The following ANO4 variants were observed in gnomAD, a reference collection of about 807,000 sequenced individuals.
ANO4 encodes anoctamin-4.
A neutral mutation model predicts 141.9 loss-of-function variants in ANO4; 69 were observed. That is an observed-to-expected ratio of 0.49 (90% CI 0.40 to 0.59). The LOEUF (loss-of-function observed/expected upper bound fraction) is 0.59. ANO4 is among the 20% of genes least tolerant of loss of function. The pLI, the probability that ANO4 is intolerant of heterozygous loss-of-function variation, is 0.00. For synonymous variants in ANO4, 350 were observed against 394.3 expected (o/e 0.89, Z 1.33); for missense variants, 894 against 1,162.2 (o/e 0.77, Z 3.36).
In ANO4 at chr12:100,719,941, C is replaced by T. The variant is rs374097913; in HGVS notation, c.22+2394C>T. ...GGTAATCAGTAACTGTAATCCCCAC[C>T]GGTAAAAATATGTTCAATGAATGAT... On this transcript the variant is annotated intron_variant, in intron 1 of 29. Coordinates refer to the ANO4 transcript ENST00000644049. 1.1e-4 allele frequency among the ~76,000 whole-genome samples: 17 copies of T among 152,238 alleles called. No individual in the cohort carries two copies. The East Asian group carries it at 1.2e-3, about 10-fold the overall frequency.
At chr12:100,833,311 T>C (rs548937645) in intron 1 of ANO4, among the ~76,000 whole-genome samples, 22 of 152,244 alleles carry the variant, frequency 1.4e-4, no homozygotes, top group South Asian at 6.2e-4. Context: ...AAGATAAACA[T>C]TGTATAAAAA....
intron 25 of ANO4, among the ~76,000 whole-genome samples, chr12:101,117,384 C>A (rs574858682): frequency 2.0e-5 from 3 of 152,330 alleles, no homozygotes; most frequent in Admixed American, 2.0e-4. Flanking sequence ...ATTTGTTGAG[C>A]ACCTACTCTG....
At chr12:100,895,561 G>GTTT (rs201323252) in intron 1 of ANO4, among the ~76,000 whole-genome samples, 3,129 of 131,068 alleles carry the variant, frequency 0.024, 166 homozygotes, top group African/African-American at 0.082. Flanking sequence ...TCTGAGCTTT[G>GTTT]TTTTTTTTTT....
intron 14 of ANO4, among the ~76,000 whole-genome samples, chr12:101,078,652 C>T (rs1225512038): frequency 6.6e-6 from 1 of 151,996 alleles, no homozygotes; most frequent in East Asian, 1.9e-4. Context: ...GGACTCCTTC[C>T]AGTAAAACAG....
chr12:100,764,636 C>T (rs779958332), intron 3 of ANO4, among the ~76,000 whole-genome samples: 20 of 152,086 alleles, frequency 1.3e-4, no homozygotes, highest in South Asian at 6.2e-4. Context: ...GTGTGAGCAA[C>T]GGTATTTGTT....
chr12:100,827,470 GT>G (rs960448319), intron 1 of ANO4, among the ~76,000 whole-genome samples: 1 of 151,762 alleles, frequency 6.6e-6, no homozygotes, highest in African/African-American at 2.4e-5. Context: ...TATCTTTGTT[GT>G]TTTTTTATCC....
intron 9 of ANO4, among the ~76,000 whole-genome samples, chr12:101,029,907 TAA>T (rs59678820): frequency 8.3e-5 from 8 of 96,186 alleles, no homozygotes; most frequent in Admixed American, 1.2e-4. Flanking sequence ...AGTCTCCGTC[TAA>T]AAAAAAAAAA....
chr12:100,824,629 G>A (rs1269913172), intron 1 of ANO4, among the ~76,000 whole-genome samples: 1 of 151,976 alleles, frequency 6.6e-6, no homozygotes, highest in Non-Finnish European at 1.5e-5. Flanking sequence ...TGTCACAGAT[G>A]GGGATGAAAT....
Position 100,812,698 on chromosome 12 carries a change from C to CCATTTG in ANO4, c.-141+17673_-141+17678dup, listed in dbSNP as rs576991235. 7.9e-5 allele frequency among the ~76,000 whole-genome samples: 12 copies of CCATTTG among 152,266 alleles called. No homozygotes were observed. The South Asian group carries it at 2.5e-3, about 32-fold the overall frequency. On this transcript the variant is annotated intron_variant, in intron 1 of 27. Coordinates refer to ENST00000392977, the MANE Select transcript of ANO4 (RefSeq NM_001286615.2). ...ACAGGCTTATGGGGGTAAAGATAAA[C>CCATTTG]CATTTGCTCAGGTTGATTTTAACCA... is the stretch of plus-strand genomic sequence containing the variant.
chr12:101,090,163 G>A (rs1182826322), intron 17 of ANO4, among the ~76,000 whole-genome samples: 3 of 152,176 alleles, frequency 2.0e-5, no homozygotes, highest in Non-Finnish European at 4.4e-5. Context: ...CTGTAAACTA[G>A]TTCAACCATT....
At chr12:100,864,164 G>A (rs980259462) in intron 1 of ANO4, among the ~76,000 whole-genome samples, 1 of 152,034 alleles carries the variant, frequency 6.6e-6, no homozygotes, top group Admixed American at 6.6e-5. Flanking sequence ...TAACAATGTC[G>A]TATGCCCGTA....
At position 101,116,694 on chromosome 12, in the gene ANO4, T is replaced by C. The variant is rs761662835; in HGVS notation, c.2466T>C (p.Tyr822=). ...CCTCTTATAGGTGCATGGTTGGCTA[T>C]GTGAATGCCAGCTTGTCTGTATTTC... The part of the protein sequence containing the change: ...GEAGQKCMVG[Y]VNASLSVFRI... The change falls in exon 25 of 28, where the codon TAT becomes TAC. Residue 822 remains tyrosine (Y), a synonymous_variant. Coordinates refer to ENST00000392977, the MANE Select transcript of ANO4 (RefSeq NM_001286615.2). 3 of 1,614,144 alleles carry C rather than the reference T, an allele frequency of 1.9e-6. No individual in the cohort carries two copies. In the East Asian group the frequency reaches 6.7e-5, roughly 36 times the overall value.
chr12:100,724,465 A>G lies in ANO4; in HGVS notation c.22+6918A>G, dbSNP rs956413734. ...TGCAGAGGAGAATACTACTAGAACT[A>G]TTACTACTTCAACTAGTATCTCTCC... On this transcript the variant is annotated intron_variant, in intron 1 of 29. Transcript: ENST00000644049. Among the ~76,000 whole-genome samples, 7 of 152,306 alleles carry G rather than the reference A, an allele frequency of 4.6e-5. No homozygotes were observed. The South Asian group carries it at 6.2e-4, about 14-fold the overall frequency.
intron 2 of ANO4, among the ~76,000 whole-genome samples, chr12:100,919,313 C>G (rs2041497721): frequency 6.6e-6 from 1 of 152,158 alleles, no homozygotes; most frequent in African/African-American, 2.4e-5. Context: ...ACTCACCACT[C>G]AATGACTCAT....
intron 1 of ANO4, among the ~76,000 whole-genome samples, chr12:100,884,117 G>A (rs1406668289): frequency 2.6e-5 from 4 of 152,130 alleles, no homozygotes; most frequent in Non-Finnish European, 5.9e-5. Flanking sequence ...CAAAGTTCAT[G>A]CAATTTAATG....
chr12:100,755,887 G>A lies in ANO4; in HGVS notation c.358+15782G>A, dbSNP rs1050984723. ...CCACTTTCTCTGTGCTAGGGGGAAT[G>A]TGACAGAGGACGAGTCTTCCACTGT... On this transcript the variant is annotated intron_variant, in intron 3 of 29. Transcript: ENST00000644049. Among the ~76,000 whole-genome samples, 5 of 152,294 alleles carry A rather than the reference G, an allele frequency of 3.3e-5. 1 individual carries two copies. The highest frequency in any genetic ancestry group is 4.8e-5 in the African/African-American group (2 of 41,560).
chr12:100,990,430 A>G (rs185614300), intron 8 of ANO4, among the ~76,000 whole-genome samples: 26 of 152,298 alleles, frequency 1.7e-4, no homozygotes, highest in African/African-American at 5.8e-4. Flanking sequence ...ATATTTTTGG[A>G]AGTATTTAAA....
At chr12:100,989,620 T>TGG (rs1282153007) in intron 8 of ANO4, among the ~76,000 whole-genome samples, 6 of 91,274 alleles carry the variant, frequency 6.6e-5, no homozygotes, top group African/African-American at 1.4e-4. Flanking sequence ...GATGGATGGA[T>TGG]AGATGGATGG....
chr12:101,039,949 T>A lies in ANO4; in HGVS notation c.898-6T>A, dbSNP rs1247728320. The A allele has an allele frequency of 6.2e-7, 1 of 1,608,768 alleles. No homozygotes were observed. Among genetic ancestry groups the A allele is most frequent in the East Asian group, 2.2e-5 (1 of 44,742 alleles). ...TACCTCACTGGCAGTGGTGTTTTTA[T>A]CCCAGGGAAGTTATAGAAGTAAAAA... On this transcript the variant is annotated splice_region_variant and splice_polypyrimidine_tract_variant and intron_variant, in intron 10 of 27. Transcript: ENST00000392977.
Sources: gnomAD v4.1 joint callset for allele counts (sites outside exome capture counted in the v4.1 genomes callset) on GRCh38, gnomAD v4.1.1 for gene constraint, MANE v1.5 for transcripts, NCBI Gene and HGNC (gene_info 2026-07-23, HGNC 2026-07-21) for gene names.